CAMSAP3: variants seen among roughly 807,000 people sequenced by gnomAD.
CAMSAP3 encodes calmodulin regulated spectrin associated protein family member 3, also known as calmodulin-regulated spectrin-associated protein 3.
CAMSAP3 carries 34 observed loss-of-function variants against 112.5 expected under a neutral mutation model. The observed-to-expected ratio is 0.30, with a 90% CI of 0.23 to 0.40. CAMSAP3 has a LOEUF of 0.40. Among genes scored for constraint, CAMSAP3 ranks in the 10% least tolerant of loss-of-function variants. The pLI is 1.00. For synonymous variants in CAMSAP3, 868 were observed against 799.8 expected, an observed-to-expected ratio of 1.09 and a Z score of -1.44; for missense variants, 1,602 against 1,770.3, an observed-to-expected ratio of 0.90 and a Z score of 1.71.
At chr19:7,606,099 T>G (rs1430490084) in intron 2 of CAMSAP3, among the ~76,000 whole-genome samples, 172 bp from the exon 3 acceptor site, 1 of 152,024 alleles carries the variant, frequency 6.6e-6, no homozygotes, top group African/African-American at 2.4e-5. Context: ...ACCCCATTTC[T>G]TGTTCCTTCC....
At chr19:7,606,105 C>G (rs1328949676) in intron 2 of CAMSAP3, among the ~76,000 whole-genome samples, 166 bp from the exon 3 acceptor site, 3 of 152,086 alleles carry the variant, frequency 2.0e-5, no homozygotes, top group African/African-American at 7.2e-5. Flanking sequence ...TTTCTTGTTC[C>G]TTCCCTTAAG....
At position 7,617,977 on chromosome 19, in the gene CAMSAP3, G is replaced by A; in HGVS notation, c.3670G>A (p.Asp1224Asn). 1 of 1,614,130 alleles carries A rather than the reference G, an allele frequency of 6.2e-7. No individual in the cohort carries two copies. The highest frequency in any genetic ancestry group is 2.2e-5 in the East Asian group (1 of 44,874). The part of the protein sequence containing the change: ...IPAKTMSMSV[D>N]AFTIQGHLWQ... The stretch of plus-strand genomic sequence containing the variant: ...CGCCAAGACCATGTCCATGAGCGTC[G>A]ATGCCTTCACCATCCAGGGACACCT... Residue 1224 changes from aspartate (D) to asparagine (N), a missense_variant, in exon 17 of 17, where the codon GAT (aspartate) becomes AAT (asparagine). By Grantham distance (23) the Asp-to-Asn change is conservative (BLOSUM62 1). Around this residue, in one of 6 missense-constraint regions of CAMSAP3, gnomAD observed 150 missense variants for 207.6 expected, o/e 0.72. Transcript: ENST00000160298. The surrounding 1 kb of genome is among the most constrained non-coding windows in gnomAD (Gnocchi z 7.5).
In CAMSAP3 at chr19:7,617,091, C is replaced by T. The variant is rs1227706017; in HGVS notation, c.3213-235C>T. On this transcript the variant is annotated intron_variant, in intron 14 of 16. Coordinates refer to ENST00000160298, the MANE Select transcript of CAMSAP3 (RefSeq NM_020902.2). The surrounding 1 kb of genome is among the most constrained non-coding windows in gnomAD (Gnocchi z 7.5). ...AGCCTCCTGAGTAGCTGGGGTTACCCGTGCCTGTAGAGACGGTGTTTCACC... is the reference window on the plus strand; with the variant it reads ...AGCCTCCTGAGTAGCTGGGGTTACCTGTGCCTGTAGAGACGGTGTTTCACC... Among the ~76,000 whole-genome samples, 5 of 150,736 alleles carry T rather than the reference C, an allele frequency of 3.3e-5. No individual in the cohort carries two copies. The highest frequency in any genetic ancestry group is 9.7e-5 in the African/African-American group (4 of 41,152).
chr19:7,617,589 C>T lies in CAMSAP3; in HGVS notation c.3372C>T (p.Ile1124=), dbSNP rs868769412. 1.9e-5 allele frequency: 30 copies of T among 1,614,100 alleles called. No individual in the cohort carries two copies. The highest frequency in any genetic ancestry group is 2.5e-5 in the Non-Finnish European group (29 of 1,180,058). The change falls in exon 16 of 17, where the codon ATC becomes ATT. Residue 1124 remains isoleucine, a synonymous_variant. Coordinates refer to ENST00000160298, the MANE Select transcript of CAMSAP3 (RefSeq NM_020902.2). The surrounding 1 kb of genome is among the most constrained non-coding windows in gnomAD (Gnocchi z 7.5). ...KEPSAKSNKF[I]IHNALSHCCL... is the part of the protein sequence containing the mutation. ...CCAGCGCCAAGTCCAACAAGTTCAT[C>T]ATCCACAATGCCCTATCACACTGCT...
rs1160623966 is a variant in CAMSAP3, at chr19:7,615,529, G to A, written c.2922G>A (p.Lys974=). 2.0e-6 allele frequency: 3 copies of A among 1,535,514 alleles called. No individual in the cohort carries two copies. The highest frequency in any genetic ancestry group is 2.6e-6 in the Non-Finnish European group (3 of 1,143,260). ...CCGAGGAGGAGGTGGGCCCCCGGAA[G>A]GGGGACTTCACGCGGCAGGAGTACG... is the stretch of plus-strand genomic sequence containing the variant. ...APAEEEVGPR[K]GDFTRQEYER... The change falls in exon 13 of 17, where the codon AAG becomes AAA. Residue 974 remains lysine, a synonymous_variant. Coordinates refer to ENST00000160298, the MANE Select transcript of CAMSAP3 (RefSeq NM_020902.2). The surrounding 1 kb of genome is among the most constrained non-coding windows in gnomAD (Gnocchi z 6.5).
chr19:7,614,006 A>G (rs908160668), intron 11 of CAMSAP3, among the ~76,000 whole-genome samples: 4 of 152,190 alleles, frequency 2.6e-5, no homozygotes, highest in Admixed American at 2.6e-4. Context: ...TCATGCCTGT[A>G]ATCCCAGCAC....
In CAMSAP3 at chr19:7,605,368, AC is replaced by A; in HGVS notation, c.297del (p.Asn100ThrfsTer28). On this transcript the variant is annotated frameshift_variant, in exon 2 of 17. Coordinates refer to ENST00000160298, the MANE Select transcript of CAMSAP3 (RefSeq NM_020902.2). LOFTEE classifies it high-confidence loss of function. ...GCCAGGCACTGCCACAGCTTGAAACACCCCCCAACCCCTCTGCACTGCTGGC... is the reference window on the plus strand; with the variant it reads ...GCCAGGCACTGCCACAGCTTGAAACACCCCCAACCCCTCTGCACTGCTGGC... ...WRQALPQLET[P>X]PNPSALLALL... 6 of 1,585,824 alleles carry A rather than the reference AC, an allele frequency of 3.8e-6. No individual in the cohort carries two copies. Among genetic ancestry groups the A allele is most frequent in the Admixed American group, 1.7e-5 (1 of 57,302 alleles).
chr19:7,607,935 C>A lies in CAMSAP3; in HGVS notation c.622-191C>A. The A allele has an allele frequency of 1.2e-6, 1 of 835,724 alleles. No individual in the cohort carries two copies. The highest frequency in any genetic ancestry group is 2.0e-6 in the Non-Finnish European group (1 of 498,668). 51.8% of individuals were successfully genotyped at this position (835,724 alleles called of 1,614,324 possible). On this transcript the variant is annotated intron_variant, in intron 4 of 16. Transcript: ENST00000160298. The surrounding 1 kb of genome is among the most constrained non-coding windows in gnomAD (Gnocchi z 4.9). ...CCAGCCCCCGCTGCTGGCCTGGCTG[C>A]TCGAAGACATCTCCTCTGCCTCTTG...
chr19:7,605,600 T>C, intron 2 of CAMSAP3, 121 bp downstream of exon 2: 4 of 1,173,610 alleles, frequency 3.4e-6, no homozygotes, highest in Non-Finnish European at 4.4e-6. Flanking sequence ...CTTTCAAGCT[T>C]TGTCGATTAA....
intron 5 of CAMSAP3, among the ~76,000 whole-genome samples, chr19:7,609,707 T>G (rs2030378856): frequency 6.6e-6 from 1 of 152,118 alleles, no homozygotes; most frequent in Non-Finnish European, 1.5e-5. Context: ...GGGGAACCAG[T>G]GGGAGCCCTG....
Position 7,611,545 on chromosome 19 carries a change from C to T in CAMSAP3, c.1152C>T (p.Ser384=). 2 of 1,612,458 alleles carry T rather than the reference C, an allele frequency of 1.2e-6. No homozygotes were observed. Among genetic ancestry groups the T allele is most frequent in the Non-Finnish European group, 1.7e-6 (2 of 1,179,732 alleles). Residue 384 remains serine, a synonymous_variant, in exon 10 of 17, where the codon TCC becomes TCT. Coordinates refer to ENST00000160298, the MANE Select transcript of CAMSAP3 (RefSeq NM_020902.2). This position sits in a 1 kb window ranked among gnomAD's most constrained non-coding sequence, Gnocchi z 6.9. ...CCCTGAAGTCTTCCCCGTCCATGTC[C>T]CATATGGAGGCCCTGGGCAAGGCCT... The part of the protein sequence containing the change: ...TGSLKSSPSM[S]HMEALGKAWN...
chr19:7,611,769 C>T lies in CAMSAP3; in HGVS notation c.1276C>T (p.Leu426Phe), dbSNP rs747859595. Residue 426 changes from leucine (L) to phenylalanine (F), a missense_variant, in exon 11 of 17, where the codon CTC (leucine) becomes TTC (phenylalanine). This residue lies in a region of CAMSAP3 where 1,100 missense variants were observed against 1,135.7 expected (regional missense o/e 0.97). Coordinates refer to ENST00000160298, the MANE Select transcript of CAMSAP3 (RefSeq NM_020902.2). The surrounding 1 kb of genome is among the most constrained non-coding windows in gnomAD (Gnocchi z 6.9). ...GGATGTCGTCATGGGAGACCCTGTG[C>T]TCCTCCGCTCTGTGAGCTCGGACAG... Reference protein sequence around the residue: ...DVDVVMGDPVLLRSVSSDSLG... With the variant: ...DVDVVMGDPVFLRSVSSDSLG... 6.3e-7 allele frequency: 1 copy of T among 1,593,066 alleles called. No homozygotes were observed. The highest frequency in any genetic ancestry group is 8.5e-7 in the Non-Finnish European group (1 of 1,169,750).
At chr19:7,606,217 G>A (rs1221134802) in intron 2 of CAMSAP3, 54 bp from the exon 3 acceptor site, 1 of 1,446,668 alleles carries the variant, frequency 6.9e-7, no homozygotes, top group Non-Finnish European at 9.3e-7. Context: ...CTTGGGGGCC[G>A]AGGTGCGCCT....
At chr19:7,614,030 G>C (rs904015132) in intron 11 of CAMSAP3, among the ~76,000 whole-genome samples, 3 of 152,088 alleles carry the variant, frequency 2.0e-5, no homozygotes, top group Admixed American at 6.5e-5. Context: ...GGGAGGCCAA[G>C]GCAGGCGGAT....
At chr19:7,614,323 A>ATTTTT (rs368266059) in intron 11 of CAMSAP3, among the ~76,000 whole-genome samples, 1 of 113,980 alleles carries the variant, frequency 8.8e-6, no homozygotes, top group Non-Finnish European at 1.7e-5. Flanking sequence ...CTTCCTTTTC[A>ATTTTT]TTTTTTTTTT....
rs752656118 is a variant in CAMSAP3, at chr19:7,612,319, A to G, written c.1826A>G (p.Glu609Gly). The G allele has an allele frequency of 6.2e-7, 1 of 1,605,130 alleles. No individual in the cohort carries two copies. The highest frequency in any genetic ancestry group is 1.1e-5 in the South Asian group (1 of 90,314). Residue 609 changes from glutamate (E) to glycine (G), a missense_variant, in exon 11 of 17, where the codon GAG becomes GGG. By Grantham distance (98) the Glu-to-Gly change is moderately conservative. Coordinates refer to ENST00000160298, the MANE Select transcript of CAMSAP3 (RefSeq NM_020902.2). The stretch of plus-strand genomic sequence containing the variant: ...AGTGAGCTCAGCGCCCGGCTGGAGG[A>G]GAAACGCAGAGCCATCGAGGCTCAG... The part of the protein sequence containing the change: ...EMSELSARLE[E>G]KRRAIEAQKR...
At chr19:7,602,868 G>C in intron 1 of CAMSAP3, among the ~76,000 whole-genome samples, 1 of 151,756 alleles carries the variant, frequency 6.6e-6, no homozygotes, top group East Asian at 1.9e-4. Flanking sequence ...GGAGGTCCCT[G>C]CTGGCCTTGG....
At chr19:7,614,936 T>C in intron 11 of CAMSAP3, 2 of 586,950 alleles carry the variant, frequency 3.4e-6, no homozygotes, top group East Asian at 2.9e-5. Context: ...CACTGCTGTC[T>C]GCTGCTTTTG....
At position 7,611,721 on chromosome 19, in the gene CAMSAP3, C is replaced by T; in HGVS notation, c.1228C>T (p.Pro410Ser). 6.4e-7 allele frequency: 1 copy of T among 1,560,932 alleles called. No individual in the cohort carries two copies. Among genetic ancestry groups the T allele is most frequent in the Non-Finnish European group, 8.7e-7 (1 of 1,151,268 alleles). Residue 410 changes from proline to serine, a missense_variant, in exon 11 of 17, where the codon CCC becomes TCC. Pro to Ser is a moderately conservative substitution (Grantham distance 74). This residue lies in a region of CAMSAP3 where 1,100 missense variants were observed against 1,135.7 expected (regional missense o/e 0.97). Transcript: ENST00000160298. The surrounding 1 kb of genome is among the most constrained non-coding windows in gnomAD (Gnocchi z 6.9). Reference protein sequence around the residue: ...PLSQAVSFSTPFGLDSDVDVV... With the variant: ...PLSQAVSFSTSFGLDSDVDVV... The stretch of plus-strand genomic sequence containing the variant: ...CTCCCAGGCTGTGTCATTCAGCACC[C>T]CCTTTGGCCTGGACAGCGACGTGGA...
Sources: allele counts gnomAD v4.1 joint callset (sites outside exome capture counted in the v4.1 genomes callset), GRCh38; gene constraint gnomAD v4.1.1; regional missense constraint gnomAD v4.1.1; non-coding constraint Gnocchi (gnomAD v3.1); transcripts MANE v1.5; gene names NCBI Gene and HGNC (gene_info 2026-07-23, HGNC 2026-07-21).